NSMAF: variants seen among roughly 807,000 people sequenced by gnomAD.
The protein encoded by NSMAF is protein FAN.
In NSMAF, 90 loss-of-function variants were observed where a neutral mutation model predicts 134.9. The ratio of observed to expected loss-of-function variants is 0.67; its 90% CI spans 0.56 to 0.79. NSMAF has a LOEUF of 0.79. Among genes scored for constraint, NSMAF ranks in the 30% least tolerant of loss-of-function variants. The pLI is 0.00. For missense variants in NSMAF, 1,010 were observed against 1,119.0 expected (o/e 0.90, Z 1.39); for synonymous variants, 358 against 389.6 (o/e 0.92, Z 0.96).
chr8:58,588,282 A>G (rs1805936996), intron 26 of NSMAF: 11 of 650,948 alleles, frequency 1.7e-5, no homozygotes, highest in Non-Finnish European at 3.0e-5. Context: ...AGATATTTTC[A>G]GTTTAAATAA....
At chr8:58,641,327 T>C (rs536384003) in intron 2 of NSMAF, among the ~76,000 whole-genome samples, 21 of 152,346 alleles carry the variant, frequency 1.4e-4, no homozygotes, top group Admixed American at 5.9e-4. Context: ...AATGTTTATA[T>C]GGTTCCAAAA....
chr8:58,626,789 T>C (rs1212304503), intron 6 of NSMAF, among the ~76,000 whole-genome samples: 1 of 152,240 alleles, frequency 6.6e-6, no homozygotes, highest in South Asian at 2.1e-4. Flanking sequence ...CTCTATACTG[T>C]TTCTACAGTG....
At chr8:58,617,017 A>T (rs1285092557) in intron 9 of NSMAF, among the ~76,000 whole-genome samples, 1 of 152,204 alleles carries the variant, frequency 6.6e-6, no homozygotes, top group Non-Finnish European at 1.5e-5. Flanking sequence ...GCATCTACAT[A>T]CTAAACAGAA....
chr8:58,603,791 T>C (rs999904600), intron 12 of NSMAF, among the ~76,000 whole-genome samples: 3 of 152,234 alleles, frequency 2.0e-5, no homozygotes, highest in African/African-American at 7.2e-5. Context: ...ATTTATGAAA[T>C]TAAAGCAATC....
intron 2 of NSMAF, among the ~76,000 whole-genome samples, chr8:58,635,953 T>C (rs1807165043): frequency 6.6e-6 from 1 of 152,216 alleles, no homozygotes; most frequent in African/African-American, 2.4e-5. Flanking sequence ...TTTGGCTTTC[T>C]ATTCTCAGTG....
intron 1 of NSMAF, among the ~76,000 whole-genome samples, chr8:58,652,647 G>A (rs1299345436): frequency 3.3e-5 from 5 of 152,102 alleles, no homozygotes; most frequent in Non-Finnish European, 5.9e-5. Flanking sequence ...TACCCCAGGG[G>A]GACAAGGCAC....
intron 20 of NSMAF, 66 bp from the exon 21 acceptor site, chr8:58,597,616 C>T: frequency 6.9e-7 from 1 of 1,451,630 alleles, no homozygotes; most frequent in Non-Finnish European, 9.6e-7. Flanking sequence ...GCACGCATTT[C>T]AAATAGTACT....
chr8:58,613,491 A>G (rs1255362107), intron 9 of NSMAF, among the ~76,000 whole-genome samples: 1 of 152,160 alleles, frequency 6.6e-6, no homozygotes, highest in African/African-American at 2.4e-5. Flanking sequence ...AAGTCAATAG[A>G]GTAGATAAAA....
At chr8:58,587,563 C>A (rs942628224) in intron 27 of NSMAF, 55 bp downstream of exon 27, 2 of 1,486,602 alleles carry the variant, frequency 1.3e-6, no homozygotes, top group African/African-American at 1.4e-5. Flanking sequence ...TTCTTCCAGC[C>A]GAACCCCTAG....
intron 6 of NSMAF, among the ~76,000 whole-genome samples, chr8:58,628,650 A>G (rs547662866): frequency 3.9e-4 from 59 of 152,202 alleles, no homozygotes; most frequent in Non-Finnish European, 6.5e-4. Flanking sequence ...CTACACTTTC[A>G]TGTTGGTGTT....
At chr8:58,596,366 A>T (rs910542616) in intron 21 of NSMAF, among the ~76,000 whole-genome samples, 5 of 152,210 alleles carry the variant, frequency 3.3e-5, no homozygotes, top group African/African-American at 1.2e-4. Flanking sequence ...GATAGGAGAT[A>T]AAAAGTGATT....
At chr8:58,585,239 AAGG>A (rs1805855332) in intron 30 of NSMAF, among the ~76,000 whole-genome samples, 1 of 152,126 alleles carries the variant, frequency 6.6e-6, no homozygotes, top group Admixed American at 6.5e-5. Context: ...AAAGTACTGT[AAGG>A]AGGACTGGGA....
chr8:58,645,744 C>CA (rs199560463), intron 1 of NSMAF, among the ~76,000 whole-genome samples: 9 of 150,702 alleles, frequency 6.0e-5, no homozygotes, highest in Admixed American at 2.0e-4. Flanking sequence ...AGATGCTCAT[C>CA]AAAAAAAAAT....
At chr8:58,618,769 G>A (rs1453935955) in intron 9 of NSMAF, among the ~76,000 whole-genome samples, 1 of 152,036 alleles carries the variant, frequency 6.6e-6, no homozygotes, top group African/African-American at 2.4e-5. Flanking sequence ...AAAATAAAAA[G>A]TATTAAAAAT....
At chr8:58,623,530 T>C (rs1454851253) in intron 7 of NSMAF, 106 bp from the exon 8 acceptor site, 1 of 1,198,670 alleles carries the variant, frequency 8.3e-7, no homozygotes, top group Non-Finnish European at 1.2e-6. Flanking sequence ...CAGTCAAGAT[T>C]ACTTCTGATA....
intron 10 of NSMAF, among the ~76,000 whole-genome samples, chr8:58,608,774 A>T (rs1806461599): frequency 6.6e-6 from 1 of 152,200 alleles, no homozygotes; most frequent in South Asian, 2.1e-4. Flanking sequence ...TCACTATAGC[A>T]TAATCTTTCA....
intron 23 of NSMAF, among the ~76,000 whole-genome samples, chr8:58,592,599 C>A (rs1388964413): frequency 2.0e-5 from 3 of 152,018 alleles, no homozygotes; most frequent in Non-Finnish European, 4.4e-5. Flanking sequence ...TATTTTTAAA[C>A]TCTCTCGGCC....
chr8:58,655,162 A>T (rs1361431015), intron 1 of NSMAF, among the ~76,000 whole-genome samples: 1 of 151,720 alleles, frequency 6.6e-6, no homozygotes, highest in Non-Finnish European at 1.5e-5. Context: ...AATAGAGAAA[A>T]GGTCTCCCTA....
intron 6 of NSMAF, among the ~76,000 whole-genome samples, chr8:58,625,316 A>G (rs914239392): frequency 1.3e-5 from 2 of 151,846 alleles, no homozygotes; most frequent in African/African-American, 4.8e-5. Flanking sequence ...TAATAAATCA[A>G]TTTCTCTCTC....
Sources: gnomAD v4.1 joint callset for allele counts (sites outside exome capture counted in the v4.1 genomes callset) on GRCh38, gnomAD v4.1.1 for gene constraint, MANE v1.5 for transcripts, NCBI Gene and HGNC (gene_info 2026-07-23, HGNC 2026-07-21) for gene names.